URB2: variants seen among roughly 807,000 people sequenced by gnomAD.
The protein encoded by URB2 is unhealthy ribosome biogenesis protein 2 homolog.
A neutral mutation model predicts 120.9 loss-of-function variants in URB2; 86 were observed. The ratio of observed to expected loss-of-function variants is 0.71; its 90% CI spans 0.60 to 0.85. The LOEUF is 0.85. Ranked by LOEUF, URB2 falls within the 40% of genes least tolerant of loss-of-function variation. The probability of loss-of-function intolerance (pLI) is 0.00; values close to 1 mark genes in which losing one functional copy is unlikely to be tolerated. For missense variants in URB2, 1,765 were observed against 1,836.5 expected (o/e 0.96, Z 0.71); for synonymous variants, 755 against 758.4 (o/e 1.00, Z 0.07).
intron 5 of URB2, 149 bp downstream of exon 5, chr1:229,643,842 G>A: frequency 8.9e-7 from 1 of 1,124,764 alleles, no homozygotes. Context: ...GTGAGAGGGA[G>A]CCCTGGCCTG....
At chr1:229,644,402 C>T (rs1666087819) in intron 5 of URB2, among the ~76,000 whole-genome samples, 4 of 152,140 alleles carry the variant, frequency 2.6e-5, no homozygotes, top group Admixed American at 2.6e-4. Context: ...GGAAACAAAC[C>T]TAAATTTCTG....
rs770387367 is a variant in URB2 at position 229,636,572 on chromosome 1, A to T, written c.1959A>T (p.Thr653=). 2.5e-6 allele frequency: 4 copies of T among 1,614,048 alleles called. No homozygotes were observed. The African/African-American group carries it at 4.0e-5, about 16-fold the overall frequency. The change falls in exon 4 of 10, where the codon ACA becomes ACT. Residue 653 remains threonine, a synonymous_variant. Transcript: ENST00000258243. The part of the protein sequence containing the change: ...NLPSLLPGVK[T]QHWKKIEKFT... Reference sequence around the variant, plus strand: ...CTTCGTTGCTCCCAGGTGTAAAAACACAGCATTGGAAGAAGATAGAGAAGT... The same window carrying T: ...CTTCGTTGCTCCCAGGTGTAAAAACTCAGCATTGGAAGAAGATAGAGAAGT...
At position 229,634,909 on chromosome 1, in the gene URB2, A is replaced by G; in HGVS notation, c.304-8A>G. ...AGTAATGAATTTTCTTTCTTTCTTAATGTTCAGATCATCAATGAGAGAGTA... is the reference window on the plus strand; with the variant it reads ...AGTAATGAATTTTCTTTCTTTCTTAGTGTTCAGATCATCAATGAGAGAGTA... On this transcript the variant is annotated splice_region_variant and splice_polypyrimidine_tract_variant and intron_variant, in intron 3 of 9. Coordinates refer to ENST00000258243, the MANE Select transcript of URB2 (RefSeq NM_014777.4). The G allele has an allele frequency of 6.6e-7, 1 of 1,510,216 alleles. No homozygotes were observed. Among genetic ancestry groups the G allele is most frequent in the Non-Finnish European group, 8.9e-7 (1 of 1,128,948 alleles). 93.6% of individuals were successfully genotyped at this position (1,510,216 alleles called of 1,614,324 possible).
At position 229,647,594 on chromosome 1, in the gene URB2, C is replaced by T. The variant is rs769649026; in HGVS notation, c.3991C>T (p.Arg1331Trp). The T allele has an allele frequency of 2.5e-6, 4 of 1,614,216 alleles. No homozygotes were observed. The highest frequency in any genetic ancestry group is 2.2e-5 in the East Asian group (1 of 44,880). The change falls in exon 7 of 10, where the codon CGG becomes TGG. Residue 1331 changes from arginine to tryptophan, a missense_variant. Arg to Trp is a moderately radical substitution (Grantham distance 101, BLOSUM62 -3). Coordinates refer to ENST00000258243, the MANE Select transcript of URB2 (RefSeq NM_014777.4). ...CTTAGATGTCCTGGCTGCACTGCTGCGGCAGGGGGAGGAGGCCATCGGCAA... is the reference window on the plus strand; with the variant it reads ...CTTAGATGTCCTGGCTGCACTGCTGTGGCAGGGGGAGGAGGCCATCGGCAA... ...PVLDVLAALL[R>W]QGEEAIGNPH...
At position 229,627,516 on chromosome 1, in the gene URB2, A is replaced by T. The variant is rs536214386; in HGVS notation, c.-13-105A>T. 5.4e-4 allele frequency: 585 copies of T among 1,086,318 alleles called. 4 individuals are homozygous for T. The highest frequency in any genetic ancestry group is 6.5e-5 in the Non-Finnish European group (52 of 802,874). 67.3% of individuals were successfully genotyped at this position (1,086,318 alleles called of 1,614,324 possible). On this transcript the variant is annotated intron_variant, in intron 1 of 9. Transcript: ENST00000258243. ...TCATTAAAAACTTTTAAAAGAATAC[A>T]TATTAGGTAAACAAGATACAGTACT... is the stretch of plus-strand genomic sequence containing the variant.
chr1:229,651,134 G>T (rs576512799), intron 7 of URB2, 101 bp from the exon 8 acceptor site: 6 of 1,155,340 alleles, frequency 5.2e-6, no homozygotes, highest in Non-Finnish European at 7.0e-6. Flanking sequence ...TGAGTGTCCC[G>T]ATAGACTAGG....
intron 9 of URB2, among the ~76,000 whole-genome samples, chr1:229,657,828 T>C (rs774835048): frequency 6.6e-6 from 1 of 152,206 alleles, no homozygotes; most frequent in East Asian, 1.9e-4. Context: ...ACAAATTGCC[T>C]CTTTAGGAAT....
At chr1:229,639,319 T>G (rs1231500939) in intron 4 of URB2, among the ~76,000 whole-genome samples, 1 of 150,210 alleles carries the variant, frequency 6.7e-6, no homozygotes, top group Non-Finnish European at 1.5e-5. Context: ...TTAAAAAAAG[T>G]ACAAATCACT....
rs1309995164 is a variant in URB2 at position 229,637,406 on chromosome 1, C to T, written c.2793C>T (p.Cys931=). The T allele has an allele frequency of 6.2e-7, 1 of 1,614,082 alleles. No individual in the cohort carries two copies. The highest frequency in any genetic ancestry group is 8.5e-7 in the Non-Finnish European group (1 of 1,180,052). The change falls in exon 4 of 10, where the codon TGC becomes TGT. Residue 931 remains cysteine, a synonymous_variant. Coordinates refer to ENST00000258243, the MANE Select transcript of URB2 (RefSeq NM_014777.4). ...CCATGGCCGTCACCAAACTAGGATG[C>T]TCTTGCTCCTCCTCACTGGCTCTCA... The part of the protein sequence containing the change: ...LLSMAVTKLG[C]SCSSSLALKF...
intron 2 of URB2, among the ~76,000 whole-genome samples, chr1:229,628,013 G>A (rs959123961): frequency 6.7e-6 from 1 of 149,136 alleles, no homozygotes; most frequent in African/African-American, 2.5e-5. Flanking sequence ...ATTTTGGGAG[G>A]CCAAAGCGGG....
At chr1:229,631,298 G>C (rs1013470524) in intron 2 of URB2, among the ~76,000 whole-genome samples, 3 of 127,910 alleles carry the variant, frequency 2.3e-5, no homozygotes, top group African/African-American at 5.1e-5. Context: ...TGATTGGTTT[G>C]ATCTTCTATC....
rs772855980 is a variant in URB2 at position 229,636,027 on chromosome 1, G to C, written c.1414G>C (p.Glu472Gln). ...KLRQVPRLFE[E>Q]VLGVICRPAA... ...CCGACAAGTGCCACGGTTGTTTGAA[G>C]AGGTTTTGGGGGTGATCTGTCGTCC... Residue 472 changes from glutamate to glutamine, a missense_variant, in exon 4 of 10, where the codon GAG (glutamate) becomes CAG (glutamine). Transcript: ENST00000258243. The C allele has an allele frequency of 6.4e-5, 103 of 1,613,802 alleles. No individual in the cohort carries two copies. The highest frequency in any genetic ancestry group is 8.3e-5 in the Non-Finnish European group (98 of 1,179,790).
Position 229,654,238 on chromosome 1 carries a change from G to T in URB2, c.4238-11G>T. ...GAACTAATTGGTTGGGAAACACTTT[G>T]TTGTCTGTAGGAAGCATAGATGACC... On this transcript the variant is annotated splice_polypyrimidine_tract_variant and intron_variant, in intron 8 of 9. Transcript: ENST00000258243. The T allele has an allele frequency of 6.2e-7, 1 of 1,612,746 alleles. No homozygotes were observed. The highest frequency in any genetic ancestry group is 8.5e-7 in the Non-Finnish European group (1 of 1,178,910).
Position 229,636,712 on chromosome 1 carries a change from T to G in URB2, c.2099T>G (p.Leu700Trp), listed in dbSNP as rs1206200721. Residue 700 changes from leucine (L) to tryptophan (W), a missense_variant, in exon 4 of 10, where the codon TTG becomes TGG. Coordinates refer to ENST00000258243, the MANE Select transcript of URB2 (RefSeq NM_014777.4). Reference protein sequence around the residue: ...SFRSEGAIQSLRCDAAFIIGS... With the variant: ...SFRSEGAIQSWRCDAAFIIGS... ...CGGTCTGAAGGAGCCATCCAAAGTT[T>G]GAGGTGCGATGCTGCCTTTATTATT... 1 of 1,613,806 alleles carries G rather than the reference T, an allele frequency of 6.2e-7. No individual in the cohort carries two copies. Among genetic ancestry groups the G allele is most frequent in the Admixed American group, 1.7e-5 (1 of 59,932 alleles).
intron 2 of URB2, among the ~76,000 whole-genome samples, chr1:229,628,526 A>C (rs1168340723): frequency 6.6e-6 from 1 of 152,230 alleles, no homozygotes. Context: ...ATTAAGTTAC[A>C]GAAGTTAGGT....
chr1:229,645,719 G>T, intron 5 of URB2, 140 bp from the exon 6 acceptor site: 1 of 724,818 alleles, frequency 1.4e-6, no homozygotes, highest in Non-Finnish European at 2.5e-6. Flanking sequence ...CCCCAAGCAG[G>T]CCTTGTCCAC....
Position 229,651,283 on chromosome 1 carries a change from G to A in URB2, c.4198G>A (p.Val1400Met), listed in dbSNP as rs12142450. The A allele has an allele frequency of 7.3e-3, 11,755 of 1,612,452 alleles. 70 individuals are homozygous for A. Among genetic ancestry groups the A allele is most frequent in the South Asian group, 0.016 (1,453 of 90,736 alleles). The change falls in exon 8 of 10, where the codon GTG becomes ATG. Residue 1400 changes from valine to methionine, a missense_variant. Coordinates refer to ENST00000258243, the MANE Select transcript of URB2 (RefSeq NM_014777.4). ...PSFLNSFNRL[V>M]FSVMREGRQK... ...TTTCTTGAACTCTTTCAATAGATTGGTGTTTTCAGTTATGCGGGAAGGGCG... is the reference window on the plus strand; with the variant it reads ...TTTCTTGAACTCTTTCAATAGATTGATGTTTTCAGTTATGCGGGAAGGGCG...
Position 229,654,379 on chromosome 1 carries a change from G to A in URB2, c.4368G>A (p.Glu1456=), listed in dbSNP as rs115275378. Residue 1456 remains glutamate (E), a synonymous_variant, in exon 9 of 10, where the codon GAG becomes GAA. Transcript: ENST00000258243. ...SPFMVAQYVL[E]VQKVTLYPAV... ...TTATGGTGGCCCAGTACGTGTTGGA[G>A]GTACAGAAGGTAAAATTGGGTTCAA... is the stretch of plus-strand genomic sequence containing the variant. 25 of 1,614,154 alleles carry A rather than the reference G, an allele frequency of 1.5e-5. No individual in the cohort carries two copies. In the East Asian group the frequency reaches 5.1e-4, roughly 33 times the overall value.
At chr1:229,650,356 G>A (rs1287754474) in intron 7 of URB2, among the ~76,000 whole-genome samples, 1 of 152,164 alleles carries the variant, frequency 6.6e-6, no homozygotes, top group African/African-American at 2.4e-5. Flanking sequence ...GTGGTGCTCT[G>A]CTGGACAGTG....
Sources: gnomAD v4.1 joint callset for allele counts (sites outside exome capture counted in the v4.1 genomes callset) on GRCh38, gnomAD v4.1.1 for gene constraint, MANE v1.5 for transcripts, NCBI Gene and HGNC (gene_info 2026-07-23, HGNC 2026-07-21) for gene names.